The following YWHAQ variants were observed in gnomAD, a reference collection of about 807,000 sequenced individuals.
The protein encoded by YWHAQ is tyrosine 3-monooxygenase/tryptophan 5-monooxygenase activation protein theta.
In YWHAQ, 6 loss-of-function variants were observed where a neutral mutation model predicts 28.3. The observed-to-expected ratio is 0.21, with a 90% CI of 0.12 to 0.42. The LOEUF (loss-of-function observed/expected upper bound fraction) is 0.42. Among genes scored for constraint, YWHAQ ranks in the 10% least tolerant of loss-of-function variants. The pLI, the probability that YWHAQ is intolerant of heterozygous loss-of-function variation, is 1.00. For missense variants in YWHAQ, 201 were observed against 305.6 expected, an observed-to-expected ratio of 0.66 and a Z score of 2.55; for synonymous variants, 143 against 119.1, an observed-to-expected ratio of 1.20 and a Z score of -1.31.
intron 2 of YWHAQ, among the ~76,000 whole-genome samples, chr2:9,607,546 CT>C (rs369355548): frequency 2.6e-5 from 4 of 152,010 alleles, no homozygotes; most frequent in African/African-American, 9.6e-5. Context: ...AGTACCAACA[CT>C]TCTGACCGAC....
At chr2:9,586,937 A>C (rs1666354158) in intron 5 of YWHAQ, among the ~76,000 whole-genome samples, 2 of 152,212 alleles carry the variant, frequency 1.3e-5, no homozygotes, top group African/African-American at 2.4e-5. Flanking sequence ...ACAAAACAGA[A>C]GCTTTTGCCT....
At chr2:9,590,789 T>C (rs1279931223) in intron 3 of YWHAQ, among the ~76,000 whole-genome samples, 1 of 152,184 alleles carries the variant, frequency 6.6e-6, no homozygotes, top group Non-Finnish European at 1.5e-5. Context: ...ACAGTTCCTG[T>C]ATATTCAACC....
chr2:9,625,993 G>GT (rs1414353056), intron 2 of YWHAQ, among the ~76,000 whole-genome samples: 1 of 128,776 alleles, frequency 7.8e-6, no homozygotes. Context: ...AATGAGCAGC[G>GT]TAAGACATTT....
At chr2:9,589,668 C>A (rs1666420025) in intron 3 of YWHAQ, among the ~76,000 whole-genome samples, 2 of 152,142 alleles carry the variant, frequency 1.3e-5, no homozygotes, top group African/African-American at 4.8e-5. Flanking sequence ...ACACCAAAAT[C>A]TCTATTTTTC....
chr2:9,626,192 G>A (rs1000662519), intron 2 of YWHAQ, among the ~76,000 whole-genome samples: 1 of 152,164 alleles, frequency 6.6e-6, no homozygotes, highest in African/African-American at 2.4e-5. Flanking sequence ...GTAATTTACT[G>A]AAATTCTACT....
chr2:9,596,933 C>T lies in YWHAQ; in HGVS notation c.295-5418G>A, dbSNP rs576038157. ...GTGCTAGGATTACAGGCCTGAGCCA[C>T]GGTGCCCAGCTTAGAGATTTAATCA... On this transcript the variant is annotated intron_variant, in intron 2 of 5. Coordinates refer to ENST00000238081, the MANE Select transcript of YWHAQ (RefSeq NM_006826.4). Among the ~76,000 whole-genome samples, 71 of 152,276 alleles carry T rather than the reference C, an allele frequency of 4.7e-4. No individual in the cohort carries two copies. The South Asian group carries it at 0.014, about 29-fold the overall frequency.
At chr2:9,618,048 C>T (rs1667069785) in intron 2 of YWHAQ, among the ~76,000 whole-genome samples, 1 of 151,984 alleles carries the variant, frequency 6.6e-6, no homozygotes, top group African/African-American at 2.4e-5. Flanking sequence ...TATGAAATGT[C>T]CAGAAGAGGC....
In YWHAQ at chr2:9,626,693, T is replaced by C. The variant is rs373074881; in HGVS notation, c.294+3466A>G. Among the ~76,000 whole-genome samples, 82 of 152,304 alleles carry C rather than the reference T, an allele frequency of 5.4e-4. 2 individuals are homozygous for C. In the South Asian group the frequency reaches 0.013, roughly 25 times the overall value. On this transcript the variant is annotated intron_variant, in intron 2 of 5. Transcript: ENST00000238081. ...TGATCCACCAGCCTTGGCCTCCCAATGTGCTGGGATTACAGGCATGAGCCA... is the reference window on the plus strand; with the variant it reads ...TGATCCACCAGCCTTGGCCTCCCAACGTGCTGGGATTACAGGCATGAGCCA...
intron 2 of YWHAQ, among the ~76,000 whole-genome samples, chr2:9,614,602 T>C (rs1380217193): frequency 1.3e-5 from 2 of 152,190 alleles, no homozygotes; most frequent in African/African-American, 4.8e-5. Flanking sequence ...ATTGCCTTGC[T>C]AGCTTAGTAT....
chr2:9,606,055 A>T (rs1666821191), intron 2 of YWHAQ, among the ~76,000 whole-genome samples: 1 of 152,164 alleles, frequency 6.6e-6, no homozygotes, highest in South Asian at 2.1e-4. Flanking sequence ...ATTCTACTGT[A>T]TGGGCACCCT....
chr2:9,593,898 T>TAAAAAAAAAAA (rs151047530), intron 2 of YWHAQ, among the ~76,000 whole-genome samples: 1 of 121,508 alleles, frequency 8.2e-6, no homozygotes, highest in African/African-American at 3.3e-5. Flanking sequence ...TTAAATAGAT[T>TAAAAAAAAAAA]AAAAAAAATA....
At position 9,630,596 on chromosome 2, in the gene YWHAQ, T is replaced by C. The variant is rs1309639891; in HGVS notation, c.-82-62A>G. On this transcript the variant is annotated intron_variant, in intron 1 of 5. Transcript: ENST00000238081. This position sits in a 1 kb window ranked among gnomAD's most constrained non-coding sequence, Gnocchi z 5.6. The stretch of plus-strand genomic sequence containing the variant: ...GCAGAGAGGGAGCGCCGTCAGACAA[T>C]GCGGCCCGCCGCCCGCTTTTGTCTC... 4.0e-6 allele frequency: 3 copies of C among 751,688 alleles called. No homozygotes were observed. The highest frequency in any genetic ancestry group is 3.5e-5 in the Admixed American group (1 of 28,618). The allele number at this position is 751,688 out of a possible 1,614,324, so 46.6% of individuals were successfully genotyped here.
At chr2:9,613,331 T>C (rs1666986126) in intron 2 of YWHAQ, among the ~76,000 whole-genome samples, 2 of 152,290 alleles carry the variant, frequency 1.3e-5, no homozygotes, top group Non-Finnish European at 2.9e-5. Flanking sequence ...AAACCCAACA[T>C]TAACTGGAAT....
At chr2:9,604,532 G>C (rs959822305) in intron 2 of YWHAQ, among the ~76,000 whole-genome samples, 5 of 152,174 alleles carry the variant, frequency 3.3e-5, no homozygotes, top group African/African-American at 1.2e-4. Context: ...TTGAACACAG[G>C]TTTGAACTTT....
At chr2:9,588,465 G>T in intron 3 of YWHAQ, 137 bp from the exon 4 acceptor site, 1 of 1,042,212 alleles carries the variant, frequency 9.6e-7, no homozygotes, top group Non-Finnish European at 1.3e-6. Context: ...TAAAATCATG[G>T]TAGCTAACAA....
At chr2:9,611,423 A>G (rs1054334495) in intron 2 of YWHAQ, among the ~76,000 whole-genome samples, 7 of 152,162 alleles carry the variant, frequency 4.6e-5, no homozygotes, top group African/African-American at 1.2e-4. Context: ...GGTTTTATGC[A>G]CCAGTCGCAT....
At chr2:9,615,253 A>C (rs755048155) in intron 2 of YWHAQ, 3 of 152,162 alleles carry the variant, frequency 2.0e-5, no homozygotes, top group Non-Finnish European at 4.4e-5. Context: ...TACAGAGGGT[A>C]AAAAATTAGA....
chr2:9,598,219 T>C (rs1666618726), intron 2 of YWHAQ, among the ~76,000 whole-genome samples: 1 of 152,124 alleles, frequency 6.6e-6, no homozygotes, highest in Non-Finnish European at 1.5e-5. Context: ...CAAACTCAAG[T>C]TGCAAAGCCT....
intron 2 of YWHAQ, among the ~76,000 whole-genome samples, chr2:9,611,689 G>T (rs1666950723): frequency 1.3e-5 from 2 of 151,670 alleles, no homozygotes; most frequent in South Asian, 2.1e-4. Flanking sequence ...CTTTTTTTGA[G>T]GCTAGGTCTC....
Sources: gnomAD v4.1 joint callset for allele counts (sites outside exome capture counted in the v4.1 genomes callset) on GRCh38, gnomAD v4.1.1 for gene constraint, Gnocchi (gnomAD v3.1) non-coding constraint, MANE v1.5 for transcripts, NCBI Gene and HGNC (gene_info 2026-07-23, HGNC 2026-07-21) for gene names.